The following DGKB variants were observed in gnomAD, a reference collection of about 807,000 sequenced individuals.
DGKB encodes diacylglycerol kinase beta.
Under a neutral mutation model 114.3 loss-of-function variants are expected in DGKB, and 67 were observed. The ratio of observed to expected loss-of-function variants is 0.59; its 90% CI spans 0.48 to 0.72. The LOEUF (loss-of-function observed/expected upper bound fraction) is 0.72, where lower values mean the gene tolerates loss of function less well. Among genes scored for constraint, DGKB ranks in the 30% least tolerant of loss-of-function variants. The pLI is 0.00. For missense variants in DGKB, 907 were observed against 975.2 expected (o/e 0.93, Z 0.93); for synonymous variants, 398 against 323.1 (o/e 1.23, Z -2.49).
At chr7:14,382,413 C>T (rs556221955) in intron 21 of DGKB, among the ~76,000 whole-genome samples, 1 of 150,260 alleles carries the variant, frequency 6.7e-6, no homozygotes, top group South Asian at 2.1e-4. Flanking sequence ...TTATCTATTG[C>T]TAATAATCTT....
At chr7:14,465,976 A>G (rs1327135648) in intron 21 of DGKB, among the ~76,000 whole-genome samples, 1 of 152,142 alleles carries the variant, frequency 6.6e-6, no homozygotes. Context: ...TTGGAAGTAG[A>G]CGTTTGCATG....
At chr7:14,513,787 T>C (rs1241063868) in intron 20 of DGKB, among the ~76,000 whole-genome samples, 1 of 152,050 alleles carries the variant, frequency 6.6e-6, no homozygotes, top group African/African-American at 2.4e-5. Flanking sequence ...AAGCAGAAAG[T>C]TAAAAAGTGT....
chr7:14,266,162 A>C (rs1797491116), intron 23 of DGKB, among the ~76,000 whole-genome samples: 1 of 152,204 alleles, frequency 6.6e-6, no homozygotes, highest in Non-Finnish European at 1.5e-5. Context: ...AAGCTCTTAT[A>C]GCTGGTTTTA....
rs1181074613 is a variant in DGKB at position 14,170,165 on chromosome 7, G to GAAAAGA, written c.2304+6673_2304+6674insTCTTTT. On this transcript the variant is annotated intron_variant, in intron 25 of 25. Transcript: ENST00000402815. ...AAAAAAAAAGAAAGAAAGAAAGAAA[G>GAAAAGA]AAAGAAAGAAAGAAAGAAAGAAAGA... Among the ~76,000 whole-genome samples, 11 of 97,546 alleles carry GAAAAGA rather than the reference G, an allele frequency of 1.1e-4. 1 individual carries two copies. In the South Asian group the frequency reaches 1.7e-3, roughly 15 times the overall value. The allele number at this position is 97,546 out of a possible 152,430, so 64.0% of individuals were successfully genotyped here.
At chr7:14,621,295 G>A in intron 15 of DGKB, 83 bp downstream of exon 15, 1 of 771,038 alleles carries the variant, frequency 1.3e-6, no homozygotes, top group South Asian at 1.6e-5. Context: ...AAACAAATGT[G>A]TTGATAGCTG....
At chr7:14,319,892 T>G (rs1166637694) in intron 23 of DGKB, among the ~76,000 whole-genome samples, 1 of 152,314 alleles carries the variant, frequency 6.6e-6, no homozygotes, top group Admixed American at 6.5e-5. Context: ...CACAAGCATC[T>G]TCTTTGGAAC....
intron 1 of DGKB, among the ~76,000 whole-genome samples, chr7:14,947,334 T>C (rs370216379): frequency 2.0e-5 from 3 of 151,860 alleles, no homozygotes; most frequent in Admixed American, 6.6e-5. Context: ...ACAAAACTGT[T>C]CTGTTAAGGA....
chr7:14,723,870 C>T (rs1341840345), intron 5 of DGKB, among the ~76,000 whole-genome samples: 2 of 152,062 alleles, frequency 1.3e-5, no homozygotes, highest in Admixed American at 1.3e-4. Flanking sequence ...TCATTATACT[C>T]CAATCTAGAC....
At chr7:14,612,589 G>A (rs1191630701) in intron 16 of DGKB, among the ~76,000 whole-genome samples, 1 of 152,112 alleles carries the variant, frequency 6.6e-6, no homozygotes, top group Non-Finnish European at 1.5e-5. Flanking sequence ...TATTTGGTGA[G>A]CCACAAAGGA....
At chr7:14,582,760 CT>C (rs772577040) in intron 18 of DGKB, among the ~76,000 whole-genome samples, 44 of 152,252 alleles carry the variant, frequency 2.9e-4, no homozygotes, top group Middle Eastern at 3.4e-3. Flanking sequence ...AGTTCCTTGT[CT>C]GGGGCACACA....
At chr7:14,643,566 C>T (rs1324814286) in intron 13 of DGKB, among the ~76,000 whole-genome samples, 1 of 152,134 alleles carries the variant, frequency 6.6e-6, no homozygotes, top group Non-Finnish European at 1.5e-5. Context: ...ACTGGTGGTA[C>T]AACTGTGTTC....
intron 23 of DGKB, among the ~76,000 whole-genome samples, chr7:14,325,910 A>G (rs1468965000): frequency 1.3e-5 from 2 of 152,176 alleles, no homozygotes; most frequent in Admixed American, 6.6e-5. Flanking sequence ...TTTAAATTTT[A>G]TAGAAAAATA....
At chr7:14,312,626 T>C (rs2128508585) in intron 23 of DGKB, among the ~76,000 whole-genome samples, 1 of 152,338 alleles carries the variant, frequency 6.6e-6, no homozygotes, top group South Asian at 2.1e-4. Context: ...TGATACTTGT[T>C]TAAAGAAAAA....
At chr7:14,429,073 A>C (rs780574191) in intron 21 of DGKB, among the ~76,000 whole-genome samples, 23 of 152,184 alleles carry the variant, frequency 1.5e-4, no homozygotes, top group Non-Finnish European at 2.6e-4. Context: ...CTAAACACAG[A>C]AGGCATATTG....
chr7:14,846,864 C>T (rs1036502876), intron 1 of DGKB, among the ~76,000 whole-genome samples: 3 of 152,138 alleles, frequency 2.0e-5, no homozygotes, highest in African/African-American at 7.2e-5. Context: ...AGACGCCATT[C>T]GGCAATATCT....
At chr7:14,289,703 T>C (rs1158468754) in intron 23 of DGKB, among the ~76,000 whole-genome samples, 12 of 150,556 alleles carry the variant, frequency 8.0e-5, no homozygotes, top group Non-Finnish European at 1.5e-4. Context: ...TTATCACTAT[T>C]GTTTTAAAAT....
chr7:14,862,274 G>T (rs140683249), intron 1 of DGKB, among the ~76,000 whole-genome samples: 32 of 152,094 alleles, frequency 2.1e-4, no homozygotes, highest in African/African-American at 7.2e-4. Context: ...ACCAGACATA[G>T]TTACCACTGT....
intron 25 of DGKB, among the ~76,000 whole-genome samples, chr7:14,169,382 A>T (rs1780502150): frequency 6.6e-6 from 1 of 151,614 alleles, no homozygotes; most frequent in Non-Finnish European, 1.5e-5. Context: ...AAAAAAAAAA[A>T]AGAAATGCAA....
At chr7:14,344,437 C>T (rs1489046867) in intron 22 of DGKB, among the ~76,000 whole-genome samples, 1 of 151,622 alleles carries the variant, frequency 6.6e-6, no homozygotes, top group Non-Finnish European at 1.5e-5. Flanking sequence ...GTTTACCAAA[C>T]TTATTACCTG....
Sources: allele counts gnomAD v4.1 joint callset (sites outside exome capture counted in the v4.1 genomes callset), GRCh38; gene constraint gnomAD v4.1.1; transcripts MANE v1.5; gene names NCBI Gene and HGNC (gene_info 2026-07-23, HGNC 2026-07-21).